The following GRM8 variants were observed in gnomAD, a reference collection of about 807,000 sequenced individuals.
GRM8 encodes glutamate metabotropic receptor 8, also known as metabotropic glutamate receptor 8.
A neutral mutation model predicts 87.2 loss-of-function variants in GRM8; 47 were observed. The observed-to-expected ratio is 0.54, with a 90% CI of 0.43 to 0.69. GRM8 has a LOEUF of 0.69. Among genes scored for constraint, GRM8 ranks in the 30% least tolerant of loss-of-function variants. GRM8 has a pLI of 0.00. For synonymous variants in GRM8, 396 were observed against 404.5 expected (o/e 0.98, Z 0.25); for missense variants, 1,019 against 1,139.2 (o/e 0.89, Z 1.52).
intron 6 of GRM8, among the ~76,000 whole-genome samples, chr7:126,881,234 C>T (rs1408840484): frequency 6.6e-6 from 1 of 152,034 alleles, no homozygotes; most frequent in Non-Finnish European, 1.5e-5. Context: ...TGGCAGGGCA[C>T]CCAAAGGATA....
At chr7:126,923,978 T>C (rs866976596) in intron 3 of GRM8, among the ~76,000 whole-genome samples, 12 of 152,202 alleles carry the variant, frequency 7.9e-5, no homozygotes, top group Admixed American at 5.2e-4. Flanking sequence ...CATGTATTTT[T>C]TAATGTATGG....
intron 6 of GRM8, among the ~76,000 whole-genome samples, chr7:126,845,538 A>G (rs150951179): frequency 6.6e-6 from 1 of 152,340 alleles, no homozygotes; most frequent in Non-Finnish European, 1.5e-5. Context: ...AACTTCCTTT[A>G]CACACCATAG....
intron 8 of GRM8, among the ~76,000 whole-genome samples, chr7:126,550,901 T>C (rs1792514827): frequency 6.6e-6 from 1 of 151,362 alleles, no homozygotes; most frequent in South Asian, 2.1e-4. Flanking sequence ...AAATTACAGA[T>C]ACCTGGCAAG....
chr7:127,170,337 A>G (rs1793716922), intron 2 of GRM8, among the ~76,000 whole-genome samples: 1 of 152,258 alleles, frequency 6.6e-6, no homozygotes, highest in South Asian at 2.1e-4. Flanking sequence ...AAATGAAAAA[A>G]TAATAGATGT....
chr7:126,467,637 C>T (rs540078141), intron 9 of GRM8, among the ~76,000 whole-genome samples: 64 of 151,980 alleles, frequency 4.2e-4, no homozygotes, highest in African/African-American at 1.4e-3. Flanking sequence ...AAAGTGTATA[C>T]TCTTAATAAT....
chr7:127,114,057 C>T (rs1463540333), intron 2 of GRM8, among the ~76,000 whole-genome samples: 2 of 152,056 alleles, frequency 1.3e-5, no homozygotes, highest in Non-Finnish European at 2.9e-5. Context: ...GGATGACTAC[C>T]CCAAGTTTGC....
At chr7:126,827,320 T>C (rs1794912615) in intron 6 of GRM8, among the ~76,000 whole-genome samples, 1 of 152,204 alleles carries the variant, frequency 6.6e-6, no homozygotes, top group African/African-American at 2.4e-5. Context: ...ATGGCCATTT[T>C]CATGATATTT....
At chr7:126,828,624 A>G (rs1249738714) in intron 6 of GRM8, among the ~76,000 whole-genome samples, 1 of 152,116 alleles carries the variant, frequency 6.6e-6, no homozygotes, top group Middle Eastern at 3.4e-3. Flanking sequence ...TCTTGCTAGC[A>G]GTCTATCAAT....
chr7:126,872,552 A>G (rs1799191272), intron 6 of GRM8, among the ~76,000 whole-genome samples: 1 of 152,224 alleles, frequency 6.6e-6, no homozygotes, highest in Non-Finnish European at 1.5e-5. Flanking sequence ...GCTGTTTGGT[A>G]CAGTGTTTTT....
intron 9 of GRM8, among the ~76,000 whole-genome samples, chr7:126,498,498 A>T (rs543163903): frequency 2.4e-4 from 36 of 151,430 alleles, no homozygotes; most frequent in African/African-American, 8.7e-4. Context: ...AGACCATAGC[A>T]TGGGAAGCCC....
At chr7:126,840,461 T>C (rs1393356386) in intron 6 of GRM8, among the ~76,000 whole-genome samples, 1 of 152,210 alleles carries the variant, frequency 6.6e-6, no homozygotes, top group African/African-American at 2.4e-5. Context: ...TTTCATCTTT[T>C]ATTGGAAAAG....
chr7:127,077,714 C>T (rs1465675310), intron 3 of GRM8, among the ~76,000 whole-genome samples: 1 of 152,180 alleles, frequency 6.6e-6, no homozygotes, highest in Non-Finnish European at 1.5e-5. Flanking sequence ...GTAACAACCC[C>T]CTTGGTAACT....
intron 9 of GRM8, among the ~76,000 whole-genome samples, chr7:126,479,692 C>A (rs544320932): frequency 1.3e-5 from 2 of 151,890 alleles, no homozygotes; most frequent in Admixed American, 6.6e-5. Context: ...CATTAATGTA[C>A]GGATTTTTAT....
intron 6 of GRM8, among the ~76,000 whole-genome samples, chr7:126,885,240 G>A (rs1194335992): frequency 6.6e-6 from 1 of 152,136 alleles, no homozygotes; most frequent in Non-Finnish European, 1.5e-5. Context: ...GCTTTACAGG[G>A]ATCTGGGTAG....
intron 3 of GRM8, among the ~76,000 whole-genome samples, chr7:126,916,924 C>T (rs1803965098): frequency 1.3e-5 from 2 of 152,104 alleles, no homozygotes; most frequent in African/African-American, 4.8e-5. Flanking sequence ...AGATCATTCC[C>T]TATAGGAGGA....
At position 126,757,134 on chromosome 7, in the gene GRM8, A is replaced by G. The variant is rs149862719; in HGVS notation, c.1357+12731T>C. On this transcript the variant is annotated intron_variant, in intron 7 of 10. Coordinates refer to ENST00000339582, the MANE Select transcript of GRM8 (RefSeq NM_000845.3). ...AATCTAACATTAATAGAGACAGATA[A>G]TGGTAGAAATATATTTTATCTTTAT... Among the ~76,000 whole-genome samples, 742 of 152,316 alleles carry G rather than the reference A, an allele frequency of 4.9e-3. 7 individuals are homozygous for G. Among genetic ancestry groups the G allele is most frequent in the South Asian group, 0.034 (162 of 4,832 alleles).
intron 8 of GRM8, among the ~76,000 whole-genome samples, chr7:126,550,788 A>G (rs1301518434): frequency 1.3e-5 from 2 of 151,876 alleles, no homozygotes; most frequent in Non-Finnish European, 2.9e-5. Context: ...ATAATACTAT[A>G]AGAAGTAGAG....
intron 9 of GRM8, among the ~76,000 whole-genome samples, chr7:126,490,468 G>T (rs10251662): frequency 1.3e-5 from 2 of 151,962 alleles, no homozygotes; most frequent in African/African-American, 2.4e-5. Flanking sequence ...GACAAAAAAG[G>T]GTATTAATAA....
At position 127,144,346 on chromosome 7, in the gene GRM8, G is replaced by A. The variant is rs187374229; in HGVS notation, c.511-37634C>T. ...ATCATCTGTCTTTTCAATCCCCCAC[G>A]ACTTGTGTTGCTGGTAGGGCACACT... is the stretch of plus-strand genomic sequence containing the variant. On this transcript the variant is annotated intron_variant, in intron 2 of 10. Transcript: ENST00000339582. Among the ~76,000 whole-genome samples, 9 of 152,144 alleles carry A rather than the reference G, an allele frequency of 5.9e-5. No individual in the cohort carries two copies. The East Asian group carries it at 1.5e-3, about 26-fold the overall frequency.
Sources: gnomAD v4.1 joint callset for allele counts (sites outside exome capture counted in the v4.1 genomes callset) on GRCh38, gnomAD v4.1.1 for gene constraint, MANE v1.5 for transcripts, NCBI Gene and HGNC (gene_info 2026-07-23, HGNC 2026-07-21) for gene names.